The following CLIP4 variants were observed in gnomAD, a reference collection of about 807,000 sequenced individuals.
The protein encoded by CLIP4 is CAP-Gly domain-containing linker protein 4.
A neutral mutation model predicts 73.1 loss-of-function variants in CLIP4; 47 were observed. The observed-to-expected ratio is 0.64, with a 90% CI of 0.51 to 0.82. CLIP4 has a LOEUF of 0.82. Among genes scored for constraint, CLIP4 ranks in the 40% least tolerant of loss-of-function variants. The probability of loss-of-function intolerance (pLI) is 0.00; values close to 1 mark genes in which losing one functional copy is unlikely to be tolerated. For missense variants in CLIP4, 874 were observed against 852.9 expected, an observed-to-expected ratio of 1.02 and a Z score of -0.31; for synonymous variants, 306 against 295.4, an observed-to-expected ratio of 1.04 and a Z score of -0.37.
intron 15 of CLIP4, among the ~76,000 whole-genome samples, chr2:29,180,106 G>T (rs1668561657): frequency 6.6e-6 from 1 of 152,210 alleles, no homozygotes; most frequent in African/African-American, 2.4e-5. Context: ...CCTGTGTAGT[G>T]TTAGTAACAA....
intron 1 of CLIP4, among the ~76,000 whole-genome samples, chr2:29,103,572 G>A (rs1362782558): frequency 6.6e-6 from 1 of 152,110 alleles, no homozygotes; most frequent in East Asian, 1.9e-4. Flanking sequence ...TCATAAATGA[G>A]GGAGCTGAGT....
chr2:29,160,209 A>G, intron 11 of CLIP4, 124 bp from the exon 12 acceptor site: 2 of 1,176,416 alleles, frequency 1.7e-6, no homozygotes, highest in Non-Finnish European at 2.5e-6. Context: ...AAAATCACCA[A>G]CTAACTAGAC....
chr2:29,144,094 A>T, intron 7 of CLIP4, 149 bp downstream of exon 7: 1 of 692,696 alleles, frequency 1.4e-6, no homozygotes, highest in East Asian at 2.5e-5. Context: ...AAACTTAGAT[A>T]TGAATTTACT....
intron 2 of CLIP4, chr2:29,130,017 C>G (rs981799065): frequency 4.2e-6 from 2 of 471,084 alleles, no homozygotes; most frequent in African/African-American, 4.0e-5. Context: ...TCACCCTTCC[C>G]CCTTTTGAAC....
At chr2:29,112,568 T>C (rs1193431334), upstream of CLIP4, among the ~76,000 whole-genome samples, 2 of 152,262 alleles carry the variant, frequency 1.3e-5, no homozygotes, top group African/African-American at 4.8e-5. Flanking sequence ...GACAAAACTA[T>C]TGATTTTTAG....
Position 29,156,364 on chromosome 2 carries a change from A to G in CLIP4, c.1176A>G (p.Thr392=), listed in dbSNP as rs749430940. The G allele has an allele frequency of 8.3e-6, 13 of 1,571,420 alleles. No homozygotes were observed. The East Asian group carries it at 2.5e-4, about 31-fold the overall frequency. Residue 392 remains threonine (T), a synonymous_variant, in exon 10 of 16, where the codon ACA becomes ACG. Transcript: ENST00000320081. ...VTSKVNTGLM[T]SKKDSASEST... The stretch of plus-strand genomic sequence containing the variant: ...ATTTTTGTGTCCAAGGATTAATGAC[A>G]TCAAAAAAAGATAGTGCTTCTGAGT...
intron 1 of CLIP4, among the ~76,000 whole-genome samples, chr2:29,117,520 T>TG (rs1219822614): frequency 2.0e-5 from 3 of 152,170 alleles, no homozygotes; most frequent in Non-Finnish European, 4.4e-5. Flanking sequence ...ATTTTTGCTG[T>TG]GGGGTTTCAC....
rs192935998 is a variant in CLIP4, at chr2:29,153,455, C to G, written c.1165+627C>G. 2.6e-3 allele frequency among the ~76,000 whole-genome samples: 392 copies of G among 152,184 alleles called. 4 individuals are homozygous for G. Among genetic ancestry groups the G allele is most frequent in the African/African-American group, 9.2e-3 (381 of 41,522 alleles). On this transcript the variant is annotated intron_variant, in intron 9 of 15. Coordinates refer to ENST00000320081, the MANE Select transcript of CLIP4 (RefSeq NM_024692.6). ...TTTCGACTTCTTATTCATATCCTGT[C>G]TCTAGTTCACTTTAATCTCCTCATT...
At chr2:29,139,196 G>GT (rs70958245) in intron 6 of CLIP4, among the ~76,000 whole-genome samples, 4,923 of 147,902 alleles carry the variant, frequency 0.033, 265 homozygotes, top group African/African-American at 0.11. Context: ...TTTGTTGAAG[G>GT]TTTTTTTTTT....
Position 29,115,782 on chromosome 2 carries a change from G to T in CLIP4, c.-16+117G>T, listed in dbSNP as rs1172298348. 1 of 151,176 alleles carries T rather than the reference G, an allele frequency of 6.6e-6. No individual in the cohort carries two copies. Among genetic ancestry groups the T allele is most frequent in the Non-Finnish European group, 1.5e-5 (1 of 67,726 alleles). 9.4% of individuals were successfully genotyped at this position (151,176 alleles called of 1,614,324 possible). On this transcript the variant is annotated intron_variant, in intron 1 of 15. Coordinates refer to ENST00000320081, the MANE Select transcript of CLIP4 (RefSeq NM_024692.6). The surrounding 1 kb of genome is among the most constrained non-coding windows in gnomAD (Gnocchi z 5.1). ...AGGTCAGTGGCCCCGGGAGGGTCGC[G>T]CAGAGGCGCTGGGGGCTGTGGAAGC...
intron 1 of CLIP4, among the ~76,000 whole-genome samples, chr2:29,120,929 A>C (rs1377714329): frequency 6.6e-6 from 1 of 152,130 alleles, no homozygotes; most frequent in East Asian, 1.9e-4. Flanking sequence ...AAAATAATGG[A>C]AACATTTTAA....
At position 29,153,714 on chromosome 2, in the gene CLIP4, A is replaced by G. The variant is rs202034279; in HGVS notation, c.1165+886A>G. ...AAATAGTTGAGGTAGAAAGCTCTCT[A>G]CCAGGATGAAAGGAATTTGTCCAAG... On this transcript the variant is annotated intron_variant, in intron 9 of 15. Coordinates refer to ENST00000320081, the MANE Select transcript of CLIP4 (RefSeq NM_024692.6). 2.0e-5 allele frequency among the ~76,000 whole-genome samples: 3 copies of G among 152,310 alleles called. No individual in the cohort carries two copies. In the East Asian group the frequency reaches 5.8e-4, roughly 29 times the overall value.
intron 12 of CLIP4, among the ~76,000 whole-genome samples, chr2:29,161,750 A>G (rs540536464): frequency 2.6e-5 from 4 of 152,206 alleles, no homozygotes; most frequent in Non-Finnish European, 4.4e-5. Context: ...GAATCTTTGA[A>G]CTTATGGTAC....
chr2:29,106,257 A>C (rs72861102), intron 1 of CLIP4, among the ~76,000 whole-genome samples: 3,507 of 152,328 alleles, frequency 0.023, 142 homozygotes, highest in African/African-American at 0.081. Context: ...TGCACATCGC[A>C]TAGTTTAAGT....
chr2:29,116,078 C>T lies in CLIP4; in HGVS notation c.-16+413C>T, dbSNP rs147253619. Among the ~76,000 whole-genome samples the T allele has an allele frequency of 3.4e-3, 518 of 152,312 alleles. 2 individuals are homozygous for T. Among genetic ancestry groups the T allele is most frequent in the African/African-American group, 0.012 (490 of 41,578 alleles). On this transcript the variant is annotated intron_variant, in intron 1 of 15. Coordinates refer to ENST00000320081, the MANE Select transcript of CLIP4 (RefSeq NM_024692.6). ...CATTTCTCACTTGACTCCCCTTGCG[C>T]ATTAAATTGTCGAGAAACCTTTGGC...
intron 6 of CLIP4, among the ~76,000 whole-genome samples, chr2:29,139,238 T>G (rs1003158997): frequency 6.6e-6 from 1 of 152,054 alleles, no homozygotes; most frequent in African/African-American, 2.4e-5. Flanking sequence ...ATTTATTGAT[T>G]GCTTTTTCTG....
chr2:29,181,889 G>T lies in CLIP4; in HGVS notation c.2114G>T (p.Cys705Phe). Residue 705 changes from cysteine (C) to phenylalanine (F), a missense_variant, in exon 16 of 16, where the codon TGT becomes TTT. Physicochemically the swap from Cys to Phe is radical, Grantham distance 205. Transcript: ENST00000320081. ...GGGTCAAAACTTGTGGATGAGAATT[G>T]TTAAGCTTCTAAAATATTAAATAAG... ...INGSKLVDEN[C>F] 1.3e-6 allele frequency: 2 copies of T among 1,595,912 alleles called. No individual in the cohort carries two copies. Among genetic ancestry groups the T allele is most frequent in the Non-Finnish European group, 1.7e-6 (2 of 1,169,030 alleles).
In CLIP4 at chr2:29,152,686, T is replaced by C; in HGVS notation, c.1023T>C (p.Gly341=). ...CTAAAATTCTGCATTCTCCCTTAGGTATTTTTGCACCTCTTTCAAAGATAA... is the reference window on the plus strand; with the variant it reads ...CTAAAATTCTGCATTCTCCCTTAGGCATTTTTGCACCTCTTTCAAAGATAA... ...VQYFKCAPKY[G]IFAPLSKISK... is the part of the protein sequence containing the mutation. The change falls in exon 9 of 16, where the codon GGT becomes GGC. Residue 341 remains glycine, a splice_region_variant and synonymous_variant. Transcript: ENST00000320081. 1 of 1,612,726 alleles carries C rather than the reference T, an allele frequency of 6.2e-7. No homozygotes were observed. The highest frequency in any genetic ancestry group is 2.2e-5 in the East Asian group (1 of 44,810).
At chr2:29,132,326 T>C in intron 4 of CLIP4, 81 bp downstream of exon 4, 1 of 1,178,852 alleles carries the variant, frequency 8.5e-7, no homozygotes, top group Admixed American at 1.8e-5. Flanking sequence ...CCATATATTG[T>C]CTGGGGGAAG....
Sources: allele counts gnomAD v4.1 joint callset (sites outside exome capture counted in the v4.1 genomes callset), GRCh38; gene constraint gnomAD v4.1.1; non-coding constraint Gnocchi (gnomAD v3.1); transcripts MANE v1.5; gene names NCBI Gene and HGNC (gene_info 2026-07-23, HGNC 2026-07-21).